Variants in GDF1 observed in about 807,000 individuals in gnomAD.
GDF1 encodes the protein embryonic growth/differentiation factor 1.
GDF1 carries 8 observed loss-of-function variants against 7.4 expected under a neutral mutation model. That is an observed-to-expected ratio of 1.09 (90% CI 0.64 to 1.96). The LOEUF (loss-of-function observed/expected upper bound fraction) is 1.96, where lower values mean the gene tolerates loss of function less well. GDF1 is among the 30% of genes most tolerant of loss of function. The probability of loss-of-function intolerance (pLI) is 0.00; values close to 1 mark genes in which losing one functional copy is unlikely to be tolerated. For synonymous variants in GDF1, 311 were observed against 276.7 expected (o/e 1.12, Z -1.23); for missense variants, 574 against 551.5 (o/e 1.04, Z -0.41).
At chr19:18,883,666 A>C (rs1482929172) in intron 3 of GDF1, among the ~76,000 whole-genome samples, 1 of 152,252 alleles carries the variant, frequency 6.6e-6, no homozygotes, top group East Asian at 1.9e-4. Flanking sequence ...TGAAAGGCTC[A>C]CTGACGGCTG....
intron 2 of GDF1, among the ~76,000 whole-genome samples, chr19:18,888,224 T>C (rs1264870867): frequency 6.6e-6 from 1 of 151,298 alleles, no homozygotes; most frequent in African/African-American, 2.4e-5. Context: ...CCAGACATGG[T>C]GATACACACC....
Position 18,884,112 on chromosome 19 carries a change from G to C in GDF1, c.-758C>G. 6.2e-7 allele frequency: 1 copy of C among 1,613,622 alleles called. No individual in the cohort carries two copies. The highest frequency in any genetic ancestry group is 8.5e-7 in the Non-Finnish European group (1 of 1,179,804). ...CGGAAGGCGTAGGAGGAGACGATGA[G>C]GATGAGAGTGACCACGTGGTGGAGC... is the stretch of plus-strand genomic sequence containing the variant. On this transcript the variant is annotated 5_prime_UTR_variant, in exon 3 of 8. Coordinates refer to ENST00000247005, the MANE Select transcript of GDF1 (RefSeq NM_001492.6).
intron 2 of GDF1, among the ~76,000 whole-genome samples, chr19:18,890,783 GAAAAA>G (rs35488506): frequency 1.1e-4 from 11 of 99,766 alleles, no homozygotes; most frequent in African/African-American, 3.7e-4. Flanking sequence ...CGCGTCTGGG[GAAAAA>G]AAAAAAAAAA....
chr19:18,884,094 C>A lies in GDF1; in HGVS notation c.-740G>T, dbSNP rs373527700. On this transcript the variant is annotated 5_prime_UTR_variant, in exon 3 of 8. Transcript: ENST00000247005. ...ACCCGATCCTGTCCTTACCGGAAGG[C>A]GTAGGAGGAGACGATGAGGATGAGA... is the stretch of plus-strand genomic sequence containing the variant. The A allele has an allele frequency of 6.2e-7, 1 of 1,612,678 alleles. No homozygotes were observed. Among genetic ancestry groups the A allele is most frequent in the African/African-American group, 1.3e-5 (1 of 74,886 alleles).
At chr19:18,882,891 CTG>C (rs2056250575) in intron 3 of GDF1, among the ~76,000 whole-genome samples, 1 of 152,072 alleles carries the variant, frequency 6.6e-6, no homozygotes, top group African/African-American at 2.4e-5. Flanking sequence ...CACGGTTTCA[CTG>C]TGTTAGCCAG....
At chr19:18,874,366 C>A (rs1374553616) in intron 6 of GDF1, among the ~76,000 whole-genome samples, 1 of 152,186 alleles carries the variant, frequency 6.6e-6, no homozygotes, top group Non-Finnish European at 1.5e-5. Context: ...TGCAGTGGTG[C>A]AGTCATGGCT....
At chr19:18,880,798 A>G (rs2056185937) in intron 3 of GDF1, among the ~76,000 whole-genome samples, 1 of 151,982 alleles carries the variant, frequency 6.6e-6, no homozygotes, top group Non-Finnish European at 1.5e-5. Context: ...CCTAGGCTCA[A>G]GTGATCCTCC....
chr19:18,869,600 T>G (rs1161983015), intron 7 of GDF1, among the ~76,000 whole-genome samples: 3 of 80,054 alleles, frequency 3.7e-5, no homozygotes, highest in Admixed American at 1.3e-4. Context: ...GGGGGTGGGC[T>G]GCCCTCGGCG....
intron 7 of GDF1, 84 bp from the exon 8 acceptor site, chr19:18,869,474 G>A (rs1351197747): frequency 6.8e-7 from 1 of 1,461,034 alleles, no homozygotes; most frequent in African/African-American, 1.4e-5. Context: ...GGAGGAAGGT[G>A]AACGCTGGGG....
chr19:18,869,278 G>A lies in GDF1; in HGVS notation c.438C>T (p.Arg146=). ...CCGCCGCCGCGAAACGCAGCTCCAG[G>A]CGGGCCCGGCTCGGGCGCTCAGCGG... is the stretch of plus-strand genomic sequence containing the variant. ...VEPAERPSRA[R]LELRFAAAAA... Residue 146 remains arginine, a synonymous_variant, in exon 8 of 8, where the codon CGC becomes CGT. Transcript: ENST00000247005. The A allele has an allele frequency of 6.7e-7, 1 of 1,497,712 alleles. No individual in the cohort carries two copies. Among genetic ancestry groups the A allele is most frequent in the East Asian group, 2.8e-5 (1 of 35,672 alleles). 92.8% of individuals were successfully genotyped at this position (1,497,712 alleles called of 1,614,324 possible). A position where few individuals can be genotyped will look rare whatever the true frequency, so the allele number is the denominator to read the frequency against.
intron 2 of GDF1, among the ~76,000 whole-genome samples, chr19:18,893,143 A>G (rs963412150): frequency 2.6e-5 from 4 of 151,930 alleles, no homozygotes; most frequent in East Asian, 1.9e-4. Context: ...TCGATCTCCT[A>G]ACCTCGTGAT....
chr19:18,889,642 T>G (rs1299109517), intron 2 of GDF1, among the ~76,000 whole-genome samples: 3 of 151,958 alleles, frequency 2.0e-5, no homozygotes, highest in Non-Finnish European at 2.9e-5. Context: ...ATTCCCAAGG[T>G]TGGTCTCGAA....
At chr19:18,886,352 A>G (rs182974729) in intron 2 of GDF1, among the ~76,000 whole-genome samples, 7 of 152,272 alleles carry the variant, frequency 4.6e-5, no homozygotes, top group East Asian at 1.9e-4. Flanking sequence ...GATCAAGACC[A>G]TCCTGGTTAA....
chr19:18,895,087 G>A lies in GDF1; in HGVS notation c.-1074+737C>T, dbSNP rs2056592668. On this transcript the variant is annotated intron_variant, in intron 1 of 7. Coordinates refer to ENST00000247005, the MANE Select transcript of GDF1 (RefSeq NM_001492.6). The surrounding 1 kb of genome is among the most constrained non-coding windows in gnomAD (Gnocchi z 6.4). Reference sequence around the variant, plus strand: ...CTGGGGAATTCTGCTGTCGCCTCTTGGAGGCAGCACAGTCCAACCCTGAAG... The same window carrying A: ...CTGGGGAATTCTGCTGTCGCCTCTTAGAGGCAGCACAGTCCAACCCTGAAG... Among the ~76,000 whole-genome samples, 1 of 152,230 alleles carries A rather than the reference G, an allele frequency of 6.6e-6. No individual in the cohort carries two copies.
At chr19:18,880,140 C>T (rs1189270302) in intron 4 of GDF1, 134 bp downstream of exon 4, 1 of 864,334 alleles carries the variant, frequency 1.2e-6, no homozygotes, top group Non-Finnish European at 1.7e-6. Flanking sequence ...AATCATGAGG[C>T]CCCTCCCCTG....
In GDF1 at chr19:18,870,077, G is replaced by C; in HGVS notation, c.231C>G (p.Gly77=). ...TGACCCCTGGGGACGTCCGCCGCGA[G>C]CCAGACCTGGTCTCCTGGGGGTCCC... The part of the protein sequence containing the change: ...RRRDPQETRS[G]SRRTSPGVTL... The change falls in exon 7 of 8, where the codon GGC becomes GGG. Residue 77 remains glycine (G), a synonymous_variant. Transcript: ENST00000247005. This position sits in a 1 kb window ranked among gnomAD's most constrained non-coding sequence, Gnocchi z 5.1. The C allele has an allele frequency of 6.3e-7, 1 of 1,582,194 alleles. No homozygotes were observed. Among genetic ancestry groups the C allele is most frequent in the South Asian group, 1.1e-5 (1 of 87,822 alleles).
intron 3 of GDF1, chr19:18,881,985 T>C (rs1015340263): frequency 6.5e-6 from 1 of 153,460 alleles, no homozygotes; most frequent in Non-Finnish European, 1.5e-5. Flanking sequence ...AATTTTTTTA[T>C]TTTTAGCAGA....
chr19:18,869,239 C>CGGGGCT lies in GDF1; in HGVS notation c.471_476dup (p.Ala158_Pro159dup), dbSNP rs2055914092. The CGGGGCT allele has an allele frequency of 4.2e-6, 6 of 1,418,050 alleles. No individual in the cohort carries two copies. The highest frequency in any genetic ancestry group is 4.6e-6 in the Non-Finnish European group (5 of 1,097,200). The allele number at this position is 1,418,050 out of a possible 1,614,324, so 87.8% of individuals were successfully genotyped here. A position where few individuals can be genotyped will look rare whatever the true frequency, so the allele number is the denominator to read the frequency against. ...CCACGCTCAGCTCCCAGCCGCCCTC[C>CGGGGCT]GGGGCTGCCGCCGCCGCCGCCGCGA... is the stretch of plus-strand genomic sequence containing the variant. On this transcript the variant is annotated inframe_insertion, in exon 8 of 8. Transcript: ENST00000247005.
intron 4 of GDF1, 45 bp from the exon 5 acceptor site, chr19:18,879,433 G>A (rs920432911): frequency 1.9e-5 from 29 of 1,544,642 alleles, no homozygotes; most frequent in Non-Finnish European, 2.4e-5. Flanking sequence ...GGGGGACGGT[G>A]CCCTACCCAG....
Sources: gnomAD v4.1 joint callset for allele counts (sites outside exome capture counted in the v4.1 genomes callset) on GRCh38, gnomAD v4.1.1 for gene constraint, Gnocchi (gnomAD v3.1) non-coding constraint, MANE v1.5 for transcripts, NCBI Gene and HGNC (gene_info 2026-07-23, HGNC 2026-07-21) for gene names.